Variants in ZBTB7C observed in about 807,000 individuals in gnomAD.
ZBTB7C encodes the protein zinc finger and BTB domain-containing protein 7C.
In ZBTB7C, 8 loss-of-function variants were observed where a neutral mutation model predicts 25.7. That is an observed-to-expected ratio of 0.31 (90% confidence interval 0.18 to 0.56). The LOEUF is 0.56. ZBTB7C is among the 20% of genes least tolerant of loss of function. The probability of loss-of-function intolerance (pLI) is 0.91; values close to 1 mark genes in which losing one functional copy is unlikely to be tolerated. For synonymous variants in ZBTB7C, 394 were observed against 369.0 expected (o/e 1.07, Z -0.78); for missense variants, 824 against 855.2 (o/e 0.96, Z 0.46).
intron 1 of ZBTB7C, among the ~76,000 whole-genome samples, chr18:48,399,216 T>C (rs1391366558): frequency 1.3e-5 from 2 of 152,222 alleles, no homozygotes; most frequent in African/African-American, 2.4e-5. Context: ...TTGCACAAAA[T>C]GTCTTTAAAC....
chr18:48,406,705 T>C (rs1323313780), intron 1 of ZBTB7C, among the ~76,000 whole-genome samples: 1 of 152,252 alleles, frequency 6.6e-6, no homozygotes, highest in Non-Finnish European at 1.5e-5. Flanking sequence ...CCTTGAATTC[T>C]TGATACTCTG....
At chr18:48,233,266 T>C (rs928837415) in intron 2 of ZBTB7C, among the ~76,000 whole-genome samples, 1 of 152,096 alleles carries the variant, frequency 6.6e-6, no homozygotes, top group Non-Finnish European at 1.5e-5. Flanking sequence ...CCTTCCTCCA[T>C]GAGATGACAC....
At chr18:48,036,540 C>G (rs1182231335) in intron 4 of ZBTB7C, among the ~76,000 whole-genome samples, 1 of 152,170 alleles carries the variant, frequency 6.6e-6, no homozygotes, top group Non-Finnish European at 1.5e-5. Flanking sequence ...GGAAATGGGG[C>G]TTTGCCAGGG....
chr18:48,361,621 C>T (rs6507842), intron 1 of ZBTB7C, among the ~76,000 whole-genome samples: 10 of 152,088 alleles, frequency 6.6e-5, no homozygotes, highest in African/African-American at 2.4e-4. Context: ...CCCCTGATGC[C>T]CTGTTGAGAG....
rs2047376383 is a variant in ZBTB7C at position 48,371,035 on chromosome 18, G to A, written c.-303-32637C>T. On this transcript the variant is annotated intron_variant, in intron 1 of 4. Transcript: ENST00000590800. Reference sequence around the variant, plus strand: ...GGACACGAAGCCCCTGAAAGTAAGTGTACAAAAGGGTAGGTGTGTGATACG... The same window carrying A: ...GGACACGAAGCCCCTGAAAGTAAGTATACAAAAGGGTAGGTGTGTGATACG... 2.0e-5 allele frequency among the ~76,000 whole-genome samples: 3 copies of A among 152,218 alleles called. No homozygotes were observed. The South Asian group carries it at 6.2e-4, about 32-fold the overall frequency.
chr18:48,210,343 A>G (rs2042674382), intron 2 of ZBTB7C, among the ~76,000 whole-genome samples: 1 of 152,370 alleles, frequency 6.6e-6, no homozygotes, highest in South Asian at 2.1e-4. Flanking sequence ...ATATATCCAC[A>G]TAAAAGCTTA....
intron 3 of ZBTB7C, chr18:48,137,286 C>T: frequency 1.0e-6 from 1 of 985,472 alleles, no homozygotes. Context: ...TCGCGCGTTA[C>T]GCTTCACTTT....
At chr18:48,192,003 T>C (rs1285645621) in intron 2 of ZBTB7C, among the ~76,000 whole-genome samples, 2 of 152,318 alleles carry the variant, frequency 1.3e-5, no homozygotes, top group Non-Finnish European at 2.9e-5. Flanking sequence ...CAAATGTTTA[T>C]AGCAGCTTTA....
intron 2 of ZBTB7C, among the ~76,000 whole-genome samples, chr18:48,257,066 G>C (rs1351801348): frequency 6.6e-6 from 1 of 151,914 alleles, no homozygotes; most frequent in Non-Finnish European, 1.5e-5. Context: ...GGCAGAGACT[G>C]TTAGATTGGA....
intron 1 of ZBTB7C, among the ~76,000 whole-genome samples, chr18:48,342,000 G>C (rs924800049): frequency 1.3e-5 from 2 of 152,206 alleles, no homozygotes; most frequent in Non-Finnish European, 2.9e-5. Flanking sequence ...CTCAGGCAGG[G>C]ACAGTGCCCT....
intron 3 of ZBTB7C, among the ~76,000 whole-genome samples, chr18:48,104,519 T>C (rs994952293): frequency 6.6e-6 from 1 of 152,112 alleles, no homozygotes; most frequent in African/African-American, 2.4e-5. Context: ...TAAGACATTC[T>C]GTGAATTACA....
intron 1 of ZBTB7C, among the ~76,000 whole-genome samples, chr18:48,341,253 C>T (rs150922785): frequency 1.2e-4 from 18 of 152,286 alleles, no homozygotes; most frequent in Admixed American, 5.9e-4. Context: ...TCTTTTCCCC[C>T]GGAGATGTGG....
intron 3 of ZBTB7C, among the ~76,000 whole-genome samples, chr18:48,081,456 TTTTTC>T (rs1367906508): frequency 4.5e-5 from 5 of 110,138 alleles, no homozygotes; most frequent in Admixed American, 8.2e-5. Flanking sequence ...TTTCTTTTTC[TTTTTC>T]TTTTTTTTTT....
chr18:48,073,178 C>A (rs970982316), intron 3 of ZBTB7C, among the ~76,000 whole-genome samples: 1 of 152,144 alleles, frequency 6.6e-6, no homozygotes, highest in Admixed American at 6.5e-5. Context: ...TGTCCGACTT[C>A]GCTTTCTTTC....
intron 3 of ZBTB7C, among the ~76,000 whole-genome samples, chr18:48,065,523 T>C (rs555522287): frequency 6.6e-6 from 1 of 152,374 alleles, no homozygotes; most frequent in East Asian, 1.9e-4. Flanking sequence ...AGAGCCATGC[T>C]TTCCAAACTT....
chr18:48,381,925 T>G (rs1451802132), intron 1 of ZBTB7C, among the ~76,000 whole-genome samples: 2 of 152,240 alleles, frequency 1.3e-5, no homozygotes, highest in Admixed American at 6.5e-5. Flanking sequence ...CACATGCCAC[T>G]GACCAAGTGA....
chr18:48,199,833 G>A (rs532266133), intron 2 of ZBTB7C, among the ~76,000 whole-genome samples: 1 of 152,228 alleles, frequency 6.6e-6, no homozygotes, highest in South Asian at 2.1e-4. Context: ...ATTTTCCAGA[G>A]GATATGATCC....
intron 1 of ZBTB7C, among the ~76,000 whole-genome samples, chr18:48,360,280 C>T (rs1037207123): frequency 3.3e-5 from 5 of 152,262 alleles, no homozygotes; most frequent in South Asian, 4.2e-4. Context: ...AATGCGTAAC[C>T]GAACTGCGGA....
At chr18:48,306,268 C>T (rs1339651345) in intron 2 of ZBTB7C, among the ~76,000 whole-genome samples, 2 of 152,184 alleles carry the variant, frequency 1.3e-5, no homozygotes, top group Non-Finnish European at 2.9e-5. Context: ...CATTAACACC[C>T]ATGGTCCAGG....
Sources: allele counts gnomAD v4.1 joint callset (sites outside exome capture counted in the v4.1 genomes callset), GRCh38; gene constraint gnomAD v4.1.1; transcripts MANE v1.5; gene names NCBI Gene and HGNC (gene_info 2026-07-23, HGNC 2026-07-21).